The following ADARB2 variants were observed in gnomAD, a reference collection of about 807,000 sequenced individuals.
The protein encoded by ADARB2 is adenosine deaminase RNA specific B2 (inactive).
In ADARB2, 25 loss-of-function variants were observed where a neutral mutation model predicts 62.2. The observed-to-expected ratio is 0.40, with a 90% CI of 0.29 to 0.56. The LOEUF (loss-of-function observed/expected upper bound fraction) is 0.56. ADARB2 is among the 20% of genes least tolerant of loss of function. The pLI, the probability that ADARB2 is intolerant of heterozygous loss-of-function variation, is 0.43. For missense variants in ADARB2, 1,071 were observed against 1,077.4 expected, an observed-to-expected ratio of 0.99 and a Z score of 0.08; for synonymous variants, 572 against 500.8, an observed-to-expected ratio of 1.14 and a Z score of -1.90.
intron 6 of ADARB2, among the ~76,000 whole-genome samples, chr10:1,229,688 G>GTGCACATGTGCTTGTGTT (rs1564228127): frequency 1.9e-4 from 23 of 119,976 alleles, no homozygotes; most frequent in Non-Finnish European, 3.2e-4. Context: ...ATGTGTTTGT[G>GTGCACATGTGCTTGTGTT]TGTGCACATG....
intron 1 of ADARB2, among the ~76,000 whole-genome samples, chr10:1,647,487 G>T (rs1205557621): frequency 1.3e-5 from 2 of 152,048 alleles, no homozygotes; most frequent in Non-Finnish European, 2.9e-5. Flanking sequence ...GTATACTTGT[G>T]TATATACATG....
At chr10:1,625,260 C>G (rs1006795773) in intron 1 of ADARB2, among the ~76,000 whole-genome samples, 3 of 152,206 alleles carry the variant, frequency 2.0e-5, no homozygotes, top group Non-Finnish European at 2.9e-5. Flanking sequence ...TGTGCGGAGC[C>G]TGAGGCTGAA....
At chr10:1,559,029 A>AT (rs1349918240) in intron 1 of ADARB2, among the ~76,000 whole-genome samples, 1 of 152,206 alleles carries the variant, frequency 6.6e-6, no homozygotes, top group Non-Finnish European at 1.5e-5. Flanking sequence ...GGAAAGGCGG[A>AT]TAAAGTCTCT....
At chr10:1,408,498 T>C (rs897808258) in intron 1 of ADARB2, among the ~76,000 whole-genome samples, 1 of 152,200 alleles carries the variant, frequency 6.6e-6, no homozygotes, top group Non-Finnish European at 1.5e-5. Context: ...GTCAAGAATG[T>C]CAGGGCTCTC....
intron 1 of ADARB2, among the ~76,000 whole-genome samples, chr10:1,674,668 A>C (rs541262851): frequency 6.6e-6 from 1 of 152,170 alleles, no homozygotes; most frequent in African/African-American, 2.4e-5. Context: ...CGTGTGATGC[A>C]TCTCCTCTAC....
chr10:1,731,711 A>G (rs74974461), intron 1 of ADARB2, among the ~76,000 whole-genome samples: 2,533 of 152,320 alleles, frequency 0.017, 56 homozygotes, highest in African/African-American at 0.047. Flanking sequence ...CAAATACTTA[A>G]CAACACGAAT....
intron 6 of ADARB2, among the ~76,000 whole-genome samples, chr10:1,220,009 ATGGTGATGG>A (rs1220529003): frequency 8.4e-6 from 1 of 118,788 alleles, no homozygotes; most frequent in Non-Finnish European, 1.7e-5. Flanking sequence ...GATGATGGTA[ATGGTGATGG>A]TGATGATGGT....
intron 3 of ADARB2, among the ~76,000 whole-genome samples, chr10:1,272,703 G>A (rs886715261): frequency 2.0e-5 from 3 of 152,226 alleles, no homozygotes; most frequent in Non-Finnish European, 4.4e-5. Context: ...CTTCCTGGGT[G>A]CTCCCAGTCC....
chr10:1,565,513 A>AG (rs1832848878), intron 1 of ADARB2, among the ~76,000 whole-genome samples: 1 of 152,152 alleles, frequency 6.6e-6, no homozygotes, highest in African/African-American at 2.4e-5. Context: ...GAAGAGGCTG[A>AG]GGGGAGGCAG....
At chr10:1,500,188 G>A (rs956456838) in intron 1 of ADARB2, among the ~76,000 whole-genome samples, 4 of 152,342 alleles carry the variant, frequency 2.6e-5, no homozygotes, top group South Asian at 4.1e-4. Context: ...AACCCAGCAC[G>A]GAAGTGCCCT....
intron 1 of ADARB2, among the ~76,000 whole-genome samples, chr10:1,618,358 C>T (rs970802441): frequency 6.6e-6 from 1 of 152,172 alleles, no homozygotes; most frequent in South Asian, 2.1e-4. Flanking sequence ...TAGCTTATCA[C>T]CTTTTTAATA....
chr10:1,486,896 T>G (rs1831550456), intron 1 of ADARB2, among the ~76,000 whole-genome samples: 1 of 152,194 alleles, frequency 6.6e-6, no homozygotes, highest in African/African-American at 2.4e-5. Flanking sequence ...ATAGATGAAG[T>G]ACATGTAACT....
chr10:1,677,768 G>C (rs1241255044), intron 1 of ADARB2, among the ~76,000 whole-genome samples: 1 of 152,154 alleles, frequency 6.6e-6, no homozygotes, highest in African/African-American at 2.4e-5. Context: ...TGCCCTGGTC[G>C]CAACACACAC....
At chr10:1,525,439 T>A (rs1274598065) in intron 1 of ADARB2, among the ~76,000 whole-genome samples, 1 of 152,226 alleles carries the variant, frequency 6.6e-6, no homozygotes, top group Non-Finnish European at 1.5e-5. Flanking sequence ...TCTCTAATTT[T>A]TTCCTTGACT....
At chr10:1,379,647 T>A in intron 1 of ADARB2, among the ~76,000 whole-genome samples, 1 of 152,226 alleles carries the variant, frequency 6.6e-6, no homozygotes, top group East Asian at 1.9e-4. Context: ...ACCTGTCACT[T>A]AGCGGGTGTT....
At chr10:1,694,122 CT>C (rs760281310) in intron 1 of ADARB2, among the ~76,000 whole-genome samples, 11 of 152,132 alleles carry the variant, frequency 7.2e-5, no homozygotes, top group Non-Finnish European at 1.0e-4. Context: ...TTTTCTGGTT[CT>C]TTTGATTATT....
At chr10:1,513,735 GAGA>G (rs1451958975) in intron 1 of ADARB2, among the ~76,000 whole-genome samples, 4 of 152,186 alleles carry the variant, frequency 2.6e-5, no homozygotes, top group African/African-American at 9.6e-5. Flanking sequence ...GGATTTGCTG[GAGA>G]AGGAGAAGCT....
At chr10:1,416,453 C>T (rs1184937992) in intron 1 of ADARB2, among the ~76,000 whole-genome samples, 1 of 152,204 alleles carries the variant, frequency 6.6e-6, no homozygotes, top group Non-Finnish European at 1.5e-5. Context: ...CCAAAGTCAG[C>T]ACAGGAGGCC....
intron 1 of ADARB2, among the ~76,000 whole-genome samples, chr10:1,528,909 C>T (rs890329436): frequency 2.6e-5 from 4 of 152,080 alleles, no homozygotes; most frequent in East Asian, 1.9e-4. Flanking sequence ...AGACTGGACT[C>T]GTCCTGCCCC....
Sources: allele counts gnomAD v4.1 joint callset (sites outside exome capture counted in the v4.1 genomes callset), GRCh38; gene constraint gnomAD v4.1.1; transcripts MANE v1.5; gene names NCBI Gene and HGNC (gene_info 2026-07-23, HGNC 2026-07-21).